Variants in REXO5 observed in about 807,000 individuals in gnomAD.
The protein encoded by REXO5 is RNA exonuclease 5, also known as exonuclease NEF-sp.
Under a neutral mutation model 88.5 loss-of-function variants are expected in REXO5, and 48 were observed. The ratio of observed to expected loss-of-function variants is 0.54; its 90% CI spans 0.43 to 0.69. The LOEUF (loss-of-function observed/expected upper bound fraction) is 0.69. Among genes scored for constraint, REXO5 ranks in the 30% least tolerant of loss-of-function variants. REXO5 has a pLI of 0.00. For missense variants in REXO5, 749 were observed against 912.2 expected (o/e 0.82, Z 2.30); for synonymous variants, 311 against 336.5 (o/e 0.92, Z 0.83).
At chr16:20,810,252 G>A (rs903021423) in intron 2 of REXO5, among the ~76,000 whole-genome samples, 2 of 152,096 alleles carry the variant, frequency 1.3e-5, no homozygotes, top group South Asian at 2.1e-4. Context: ...TAAATCCATC[G>A]TAAATTGAAA....
At chr16:20,828,408 T>G (rs775145789) in intron 10 of REXO5, 27 bp from the exon 11 acceptor site, 1 of 1,409,530 alleles carries the variant, frequency 7.1e-7, no homozygotes, top group South Asian at 1.1e-5. Context: ...GTGCTTCCAG[T>G]ATGTCAATTT....
intron 11 of REXO5, among the ~76,000 whole-genome samples, chr16:20,829,989 T>G (rs1387246953): frequency 2.0e-5 from 3 of 152,188 alleles, no homozygotes; most frequent in African/African-American, 7.2e-5. Flanking sequence ...TCAACACTGG[T>G]GGGCACAGCT....
rs553149415 is a variant in REXO5 at position 20,806,562 on chromosome 16, C to T, written c.-146C>T. ...GCTGTGGCTAAGGAGGGGAGAACCT[C>T]TGCTCCCCGCCCGTCTTCTCTTCTG... On this transcript the variant is annotated 5_prime_UTR_variant, in exon 1 of 20. Transcript: ENST00000261377. The T allele has an allele frequency of 3.8e-5, 57 of 1,485,802 alleles. No homozygotes were observed. The South Asian group carries it at 6.7e-4, about 18-fold the overall frequency. 92.0% of individuals were successfully genotyped at this position (1,485,802 alleles called of 1,614,324 possible).
At chr16:20,816,272 A>G in intron 5 of REXO5, 60 bp downstream of exon 5, 1 of 1,396,394 alleles carries the variant, frequency 7.2e-7, no homozygotes, top group South Asian at 1.2e-5. Context: ...ATATGATTGT[A>G]AGTAGGTTTA....
At chr16:20,846,599 G>A (rs1467458282) in intron 19 of REXO5, among the ~76,000 whole-genome samples, 4 of 152,310 alleles carry the variant, frequency 2.6e-5, no homozygotes, top group Middle Eastern at 3.4e-3. Context: ...ACTGCTCTCT[G>A]GAGTAAGAAG....
In REXO5 at chr16:20,833,127, AGT is replaced by A. The variant is rs773691885; in HGVS notation, c.1383+6_1383+7del. 6.2e-7 allele frequency: 1 copy of A among 1,612,556 alleles called. No individual in the cohort carries two copies. The highest frequency in any genetic ancestry group is 1.7e-5 in the Admixed American group (1 of 59,948). The stretch of plus-strand genomic sequence containing the variant: ...TAAGTGTCTTTCAAATAAAGAGGTG[AGT>A]GGCCTGCTGAACCTTTGCAGGTTAT... On this transcript the variant is annotated splice_donor_5th_base_variant and intron_variant, in intron 13 of 19. Coordinates refer to ENST00000261377, the MANE Select transcript of REXO5 (RefSeq NM_030941.3).
chr16:20,807,409 C>T (rs1361206099), intron 2 of REXO5: 3 of 302,062 alleles, frequency 9.9e-6, no homozygotes, highest in Admixed American at 4.7e-5. Flanking sequence ...AAATCCCCGT[C>T]TCTACCAAAA....
intron 11 of REXO5, among the ~76,000 whole-genome samples, 160 bp from the exon 12 acceptor site, chr16:20,831,996 C>T (rs987128843): frequency 2.0e-5 from 3 of 152,208 alleles, no homozygotes; most frequent in Non-Finnish European, 4.4e-5. Context: ...TTGAAGCCAT[C>T]CCAGGGCTGT....
At chr16:20,846,446 T>C in intron 19 of REXO5, 107 bp downstream of exon 19, 9 of 726,258 alleles carry the variant, frequency 1.2e-5, no homozygotes, top group Non-Finnish European at 1.9e-5. Flanking sequence ...AGGACTTACA[T>C]GAATCATCTC....
chr16:20,834,226 GTTTAT>G (rs1369607273), intron 13 of REXO5, among the ~76,000 whole-genome samples: 1 of 152,194 alleles, frequency 6.6e-6, no homozygotes, highest in African/African-American at 2.4e-5. Context: ...CTTTTGTGCT[GTTTAT>G]TTTGATCACC....
chr16:20,832,209 A>G lies in REXO5; in HGVS notation c.1212A>G (p.Ala404=). The change falls in exon 12 of 20, where the codon GCA becomes GCG. Residue 404 remains alanine (A), a synonymous_variant. Transcript: ENST00000261377. The stretch of plus-strand genomic sequence containing the variant: ...CTAATCACCAAGAAATACAAGCAGC[A>G]GGCCAAGAGCCTAAAAACACAGCAG... ...ALANHQEIQA[A]GQEPKNTAEV... 4 of 1,612,550 alleles carry G rather than the reference A, an allele frequency of 2.5e-6. No individual in the cohort carries two copies. The highest frequency in any genetic ancestry group is 3.4e-6 in the Non-Finnish European group (4 of 1,179,290).
At chr16:20,847,709 G>A (rs1428249182) in intron 19 of REXO5, among the ~76,000 whole-genome samples, 1 of 152,162 alleles carries the variant, frequency 6.6e-6, no homozygotes, top group Non-Finnish European at 1.5e-5. Flanking sequence ...AAGCTAACAG[G>A]AACAGGTTAA....
intron 2 of REXO5, among the ~76,000 whole-genome samples, chr16:20,810,963 C>T (rs2080988811): frequency 6.6e-6 from 1 of 152,128 alleles, no homozygotes; most frequent in Non-Finnish European, 1.5e-5. Flanking sequence ...TGCAACAGGC[C>T]ACTACTGTCC....
At chr16:20,810,270 A>T (rs1868933310) in intron 2 of REXO5, among the ~76,000 whole-genome samples, 1 of 152,224 alleles carries the variant, frequency 6.6e-6, no homozygotes, top group South Asian at 2.1e-4. Context: ...AAAATTTTGT[A>T]AGTTGAAAGT....
At position 20,807,003 on chromosome 16, in the gene REXO5, A is replaced by G; in HGVS notation, c.50A>G (p.Glu17Gly). Reference protein sequence around the residue: ...GTERHPRKVRESRQAPNKLVG... With the variant: ...GTERHPRKVRGSRQAPNKLVG... The stretch of plus-strand genomic sequence containing the variant: ...GAGAGACACCCCAGGAAGGTCAGGG[A>G]AAGCAGGCAGGCCCCAAATAAGCTG... Residue 17 changes from glutamate to glycine, a missense_variant, in exon 2 of 20, where the codon GAA (glutamate) becomes GGA (glycine). Physicochemically the swap from Glu to Gly is moderately conservative, Grantham distance 98. Coordinates refer to ENST00000261377, the MANE Select transcript of REXO5 (RefSeq NM_030941.3). The G allele has an allele frequency of 6.2e-7, 1 of 1,601,638 alleles. No individual in the cohort carries two copies.
At chr16:20,809,967 T>A (rs1408518150) in intron 2 of REXO5, among the ~76,000 whole-genome samples, 1 of 152,256 alleles carries the variant, frequency 6.6e-6, no homozygotes, top group African/African-American at 2.4e-5. Context: ...GTTACTATCT[T>A]TTACTGGATT....
chr16:20,848,244 G>C (rs1596620593), intron 19 of REXO5, among the ~76,000 whole-genome samples: 1 of 151,634 alleles, frequency 6.6e-6, no homozygotes, highest in South Asian at 2.1e-4. Context: ...GGAAACGTTG[G>C]GGAAAAAAGG....
At chr16:20,810,451 A>G (rs2080980075) in intron 2 of REXO5, among the ~76,000 whole-genome samples, 1 of 151,154 alleles carries the variant, frequency 6.6e-6, no homozygotes, top group South Asian at 2.1e-4. Flanking sequence ...CCTGTCACCC[A>G]GGCTGGAGTG....
chr16:20,841,171 T>G (rs1375913831), intron 15 of REXO5, among the ~76,000 whole-genome samples: 1 of 152,182 alleles, frequency 6.6e-6, no homozygotes, highest in Non-Finnish European at 1.5e-5. Flanking sequence ...AGTTTTACTT[T>G]AACAAAAATA....
Sources: gnomAD v4.1 joint callset for allele counts (sites outside exome capture counted in the v4.1 genomes callset) on GRCh38, gnomAD v4.1.1 for gene constraint, MANE v1.5 for transcripts, NCBI Gene and HGNC (gene_info 2026-07-23, HGNC 2026-07-21) for gene names.